MROH7: variants seen among roughly 807,000 people sequenced by gnomAD.
The protein encoded by MROH7 is maestro heat-like repeat-containing protein family member 7.
A neutral mutation model predicts 129.2 loss-of-function variants in MROH7; 113 were observed. The observed-to-expected ratio is 0.87, with a 90% confidence interval of 0.75 to 1.02. The LOEUF is 1.02. MROH7 is among the 50% of genes least tolerant of loss of function. The probability of loss-of-function intolerance (pLI) is 0.00; values close to 1 mark genes in which losing one functional copy is unlikely to be tolerated. For missense variants in MROH7, 1,601 were observed against 1,671.3 expected (o/e 0.96, Z 0.73); for synonymous variants, 655 against 667.9 (o/e 0.98, Z 0.30).
rs919459257 is a variant in MROH7 at position 54,673,897 on chromosome 1, C to T, written c.1800+92C>T. On this transcript the variant is annotated intron_variant, in intron 9 of 23. Coordinates refer to ENST00000421030, the MANE Select transcript of MROH7 (RefSeq NM_001039464.4). ...CCTCTGTTCAGGGATTCCCAGGTGG[C>T]TCTTGCCATCTTCAGAGGGCTGTGC... 8 of 1,516,424 alleles carry T rather than the reference C, an allele frequency of 5.3e-6. No homozygotes were observed. The Admixed American group carries it at 1.2e-4, about 23-fold the overall frequency. 93.9% of individuals were successfully genotyped at this position (1,516,424 alleles called of 1,614,324 possible). A position where few individuals can be genotyped will look rare whatever the true frequency, so the allele number is the denominator to read the frequency against.
At position 54,664,009 on chromosome 1, in the gene MROH7, G is replaced by A. The variant is rs141731710; in HGVS notation, c.1232-1158G>A. ...AAGGAGAAAGATCCTCTCTCCTTTG[G>A]TGTTCCCCTCAACTCCCTTAAATAA... On this transcript the variant is annotated intron_variant, in intron 3 of 23. Coordinates refer to ENST00000421030, the MANE Select transcript of MROH7 (RefSeq NM_001039464.4). 1.9e-3 allele frequency: 587 copies of A among 314,284 alleles called. 8 individuals are homozygous for A. Among genetic ancestry groups the A allele is most frequent in the African/African-American group, 1.0e-2 (455 of 45,618 alleles). 19.5% of individuals were successfully genotyped at this position (314,284 alleles called of 1,614,324 possible).
rs1039780428 is a variant in MROH7, at chr1:54,703,627, C to T, written c.3564+882C>T. On this transcript the variant is annotated intron_variant, in intron 21 of 23. Transcript: ENST00000421030. The surrounding 1 kb of genome is among the most constrained non-coding windows in gnomAD (Gnocchi z 4.4). ...AACATCATGAGGTAGGAGCAAGCCGCGTGCATGTGCGCGCGCGCATACACA... is the reference window on the plus strand; with the variant it reads ...AACATCATGAGGTAGGAGCAAGCCGTGTGCATGTGCGCGCGCGCATACACA... Among the ~76,000 whole-genome samples the T allele has an allele frequency of 2.0e-5, 3 of 152,050 alleles. No individual in the cohort carries two copies. The highest frequency in any genetic ancestry group is 4.8e-5 in the African/African-American group (2 of 41,400).
chr1:54,691,768 T>C (rs1337553282), intron 15 of MROH7, among the ~76,000 whole-genome samples: 2 of 147,876 alleles, frequency 1.4e-5, no homozygotes, highest in Non-Finnish European at 3.0e-5. Context: ...ATCGCACCAT[T>C]GCACTCCAGC....
intron 13 of MROH7, among the ~76,000 whole-genome samples, chr1:54,680,266 T>C (rs899534229): frequency 6.6e-6 from 1 of 152,174 alleles, no homozygotes; most frequent in African/African-American, 2.4e-5. Flanking sequence ...ACAATCCCAT[T>C]CTGCAGATGA....
intron 23 of MROH7, among the ~76,000 whole-genome samples, chr1:54,709,464 C>T (rs560435038): frequency 5.9e-5 from 9 of 152,026 alleles, no homozygotes; most frequent in Non-Finnish European, 7.4e-5. Flanking sequence ...GTGATCCGCC[C>T]GCTTCTGCCT....
intron 3 of MROH7, among the ~76,000 whole-genome samples, chr1:54,659,524 G>A (rs369534008): frequency 4.6e-5 from 7 of 151,216 alleles, no homozygotes; most frequent in African/African-American, 1.7e-4. Flanking sequence ...GCATGATCTC[G>A]GCTCACCACA....
intron 15 of MROH7, among the ~76,000 whole-genome samples, chr1:54,690,987 G>A (rs1360384238): frequency 1.3e-5 from 2 of 152,186 alleles, no homozygotes; most frequent in Non-Finnish European, 2.9e-5. Flanking sequence ...GGCTCATTCT[G>A]TCTTAGGTAA....
chr1:54,646,743 T>C lies in MROH7; in HGVS notation c.-110+4775T>C, dbSNP rs557302283. Among the ~76,000 whole-genome samples, 6 of 152,300 alleles carry C rather than the reference T, an allele frequency of 3.9e-5. No homozygotes were observed. The South Asian group carries it at 1.2e-3, about 32-fold the overall frequency. ...ACCATCATTACTATCAGAATATTTT[T>C]CTGGTCCAAAAGGAAACCCTATACC... On this transcript the variant is annotated intron_variant, in intron 1 of 23. Transcript: ENST00000421030.
chr1:54,677,881 G>C (rs1285366538), intron 10 of MROH7, among the ~76,000 whole-genome samples: 2 of 152,094 alleles, frequency 1.3e-5, no homozygotes, highest in African/African-American at 4.8e-5. Flanking sequence ...TCTCGTTGTC[G>C]GGAGATAAGA....
rs761060262 is a variant in MROH7 at position 54,695,447 on chromosome 1, G to A, written c.2921G>A (p.Gly974Asp). The stretch of plus-strand genomic sequence containing the variant: ...CTGCTCATCCCGCTCCTGGAGCGAG[G>A]CGACGAGAAGCACAGGATCACGGCC... ...LYLLIPLLER[G>D]DEKHRITATA... Residue 974 changes from glycine to aspartate, a missense_variant, in exon 17 of 24, where the codon GGC (glycine) becomes GAC (aspartate). Coordinates refer to ENST00000421030, the MANE Select transcript of MROH7 (RefSeq NM_001039464.4). 23 of 1,613,858 alleles carry A rather than the reference G, an allele frequency of 1.4e-5. No homozygotes were observed. Among genetic ancestry groups the A allele is most frequent in the Non-Finnish European group, 1.8e-5 (21 of 1,179,958 alleles).
At chr1:54,655,329 A>G (rs568598906) in intron 3 of MROH7, among the ~76,000 whole-genome samples, 9 of 151,854 alleles carry the variant, frequency 5.9e-5, no homozygotes, top group Admixed American at 5.9e-4. Flanking sequence ...ATCCTTTAAA[A>G]TTGTTCTGAA....
chr1:54,680,549 C>T (rs74957587), intron 13 of MROH7, among the ~76,000 whole-genome samples: 2,354 of 152,276 alleles, frequency 0.015, 29 homozygotes, highest in East Asian at 0.043. Flanking sequence ...ATGCAGCCAG[C>T]GGTGCTGAGT....
In MROH7 at chr1:54,703,088, C is replaced by T. The variant is rs1484060700; in HGVS notation, c.3564+343C>T. Among the ~76,000 whole-genome samples, 3 of 152,138 alleles carry T rather than the reference C, an allele frequency of 2.0e-5. No homozygotes were observed. Among genetic ancestry groups the T allele is most frequent in the Admixed American group, 6.6e-5 (1 of 15,266 alleles). On this transcript the variant is annotated intron_variant, in intron 21 of 23. Transcript: ENST00000421030. The surrounding 1 kb of genome is among the most constrained non-coding windows in gnomAD (Gnocchi z 4.4). ...GGGCTCCTTCATCTCCCTCACCCTCCACATTTGATCAATCTTAAATATCCC... is the reference window on the plus strand; with the variant it reads ...GGGCTCCTTCATCTCCCTCACCCTCTACATTTGATCAATCTTAAATATCCC...
At chr1:54,688,272 A>G (rs1320398477) in intron 15 of MROH7, among the ~76,000 whole-genome samples, 2 of 145,306 alleles carry the variant, frequency 1.4e-5, no homozygotes, top group African/African-American at 5.1e-5. Flanking sequence ...AAGTCTTGCC[A>G]TGTTGCCCAG....
At chr1:54,681,138 G>A (rs970969772) in intron 13 of MROH7, among the ~76,000 whole-genome samples, 5 of 152,160 alleles carry the variant, frequency 3.3e-5, no homozygotes, top group African/African-American at 1.2e-4. Context: ...ATAGTCTCGG[G>A]TGCCAAGTCT....
At chr1:54,657,799 T>G (rs1644671925) in intron 3 of MROH7, among the ~76,000 whole-genome samples, 1 of 152,062 alleles carries the variant, frequency 6.6e-6, no homozygotes, top group Non-Finnish European at 1.5e-5. Context: ...TAGCTGGGAC[T>G]ACAGGTGTGT....
chr1:54,700,605 A>G, intron 18 of MROH7, 144 bp downstream of exon 18: 2 of 733,242 alleles, frequency 2.7e-6, no homozygotes, highest in Non-Finnish European at 4.3e-6. Context: ...CATCTGTAAA[A>G]TAGATATCCT....
intron 22 of MROH7, among the ~76,000 whole-genome samples, chr1:54,706,802 CT>C (rs954896208): frequency 1.1e-4 from 17 of 152,210 alleles, no homozygotes; most frequent in Non-Finnish European, 1.5e-5. Context: ...AGAACTGCTG[CT>C]TTTCTCTGGA....
At chr1:54,689,301 C>A (rs985755075) in intron 15 of MROH7, among the ~76,000 whole-genome samples, 2 of 152,108 alleles carry the variant, frequency 1.3e-5, no homozygotes, top group Non-Finnish European at 1.5e-5. Flanking sequence ...CCACCAGAAG[C>A]CAGAATAGGC....
Sources: allele counts gnomAD v4.1 joint callset (sites outside exome capture counted in the v4.1 genomes callset), GRCh38; gene constraint gnomAD v4.1.1; non-coding constraint Gnocchi (gnomAD v3.1); transcripts MANE v1.5; gene names NCBI Gene and HGNC (gene_info 2026-07-23, HGNC 2026-07-21).